KCNN3: variants seen among roughly 807,000 people sequenced by gnomAD.
KCNN3 encodes the protein small conductance calcium-activated potassium channel protein 3.
Under a neutral mutation model 62.9 loss-of-function variants are expected in KCNN3, and 16 were observed. That is an observed-to-expected ratio of 0.25 (90% CI 0.17 to 0.39). KCNN3 has a LOEUF of 0.39. Ranked by LOEUF, KCNN3 falls within the 10% of genes least tolerant of loss-of-function variation. KCNN3 has a pLI of 1.00. For synonymous variants in KCNN3, 370 were observed against 389.2 expected, an observed-to-expected ratio of 0.95 and a Z score of 0.58; for missense variants, 599 against 949.4, an observed-to-expected ratio of 0.63 and a Z score of 4.85.
At chr1:154,745,938 C>T (rs1321734227) in intron 3 of KCNN3, among the ~76,000 whole-genome samples, 1 of 151,974 alleles carries the variant, frequency 6.6e-6, no homozygotes, top group African/African-American at 2.4e-5. Context: ...GAGAGTCCAA[C>T]AGACGGGGGT....
chr1:154,869,662 C>G lies in KCNN3; in HGVS notation c.303G>C (p.Leu101=). The G allele has an allele frequency of 6.2e-7, 1 of 1,607,950 alleles. No individual in the cohort carries two copies. ...LQSQPVHPGL[L]HSSPTAFRAP... is the part of the protein sequence containing the mutation. ...CCCTGAAAGCGGTGGGAGAGGAGTG[C>G]AGCAGGCCAGGGTGGACGGGCTGGC... The change falls in exon 1 of 8, where the codon CTG becomes CTC. Residue 101 remains leucine (L), a synonymous_variant. Coordinates refer to ENST00000271915, the MANE Select transcript of KCNN3 (RefSeq NM_002249.6). The surrounding 1 kb of genome is among the most constrained non-coding windows in gnomAD (Gnocchi z 6.1).
intron 2 of KCNN3, among the ~76,000 whole-genome samples, chr1:154,776,572 G>GCTTC (rs1417417134): frequency 1.3e-5 from 2 of 152,134 alleles, no homozygotes; most frequent in African/African-American, 4.8e-5. Context: ...GACACTCTAT[G>GCTTC]CTTCCTTCCT....
At position 154,713,648 on chromosome 1, in the gene KCNN3, C is replaced by G. The variant is rs937049712; in HGVS notation, c.1830-115G>C. On this transcript the variant is annotated intron_variant, in intron 6 of 7. Transcript: ENST00000271915. The stretch of plus-strand genomic sequence containing the variant: ...TGATTTTGGAACCCAGCATGGGGAC[C>G]GTGAACCTGGGGAACAACTGAGGCT... 3 of 821,352 alleles carry G rather than the reference C, an allele frequency of 3.7e-6. No individual in the cohort carries two copies. In the African/African-American group the frequency reaches 5.0e-5, roughly 14 times the overall value. 50.9% of individuals were successfully genotyped at this position (821,352 alleles called of 1,614,324 possible).
intron 1 of KCNN3, among the ~76,000 whole-genome samples, chr1:154,848,572 G>A (rs527868247): frequency 7.2e-5 from 11 of 152,150 alleles, no homozygotes; most frequent in South Asian, 4.2e-4. Context: ...CCAGCTTCAC[G>A]GGCAGGGGGC....
At chr1:154,768,925 T>C (rs989455795) in intron 3 of KCNN3, among the ~76,000 whole-genome samples, 2 of 152,166 alleles carry the variant, frequency 1.3e-5, no homozygotes, top group East Asian at 3.9e-4. Context: ...AAGTTGCCAG[T>C]AGAGTAGAGG....
At chr1:154,821,172 C>T (rs529182795) in intron 2 of KCNN3, among the ~76,000 whole-genome samples, 9 of 152,210 alleles carry the variant, frequency 5.9e-5, no homozygotes, top group African/African-American at 1.9e-4. Flanking sequence ...AGGTCATGGC[C>T]GAGACTTGAC....
At chr1:154,765,723 G>A (rs1390545889) in intron 3 of KCNN3, among the ~76,000 whole-genome samples, 2 of 150,928 alleles carry the variant, frequency 1.3e-5, no homozygotes, top group Non-Finnish European at 2.9e-5. Flanking sequence ...TGACCTCCCA[G>A]GTTAGGTGAT....
intron 1 of KCNN3, among the ~76,000 whole-genome samples, chr1:154,852,886 C>T (rs2101924854): frequency 6.6e-6 from 1 of 152,336 alleles, no homozygotes; most frequent in South Asian, 2.1e-4. Context: ...CTTCACCTTG[C>T]TATTCCTCTT....
chr1:154,818,812 C>CT (rs1650774450), intron 2 of KCNN3, among the ~76,000 whole-genome samples: 2 of 152,188 alleles, frequency 1.3e-5, no homozygotes, highest in Admixed American at 1.3e-4. Flanking sequence ...ATTCTTCTTC[C>CT]TGAAAAACTC....
intron 4 of KCNN3, among the ~76,000 whole-genome samples, 161 bp from the exon 5 acceptor site, chr1:154,726,187 A>T (rs1276243523): frequency 1.3e-5 from 2 of 152,104 alleles, no homozygotes; most frequent in African/African-American, 4.8e-5. Flanking sequence ...AAATCTGTTG[A>T]AATCTGTCAG....
At chr1:154,850,120 C>T (rs1652245366) in intron 1 of KCNN3, among the ~76,000 whole-genome samples, 1 of 152,214 alleles carries the variant, frequency 6.6e-6, no homozygotes, top group Non-Finnish European at 1.5e-5. Flanking sequence ...GTTCCCTCTG[C>T]ACCATCTCCC....
intron 4 of KCNN3, among the ~76,000 whole-genome samples, chr1:154,727,179 T>A (rs1557944865): frequency 6.6e-6 from 1 of 152,198 alleles, no homozygotes; most frequent in Non-Finnish European, 1.5e-5. Flanking sequence ...TGCGCCGCCC[T>A]GACCACCACT....
In KCNN3 at chr1:154,772,535, G is replaced by T; in HGVS notation, c.1030-142C>A. On this transcript the variant is annotated intron_variant, in intron 2 of 7. Coordinates refer to ENST00000271915, the MANE Select transcript of KCNN3 (RefSeq NM_002249.6). The surrounding 1 kb of genome is among the most constrained non-coding windows in gnomAD (Gnocchi z 5.6). ...CCTCAGCATGCTCTTTAGGGGCCTT[G>T]CTATGTGGCAAGAGCCCTGTATGTG... The T allele has an allele frequency of 2.6e-6, 2 of 773,986 alleles. No homozygotes were observed. Among genetic ancestry groups the T allele is most frequent in the South Asian group, 3.0e-5 (2 of 65,882 alleles). The allele number at this position is 773,986 out of a possible 1,614,324, so 47.9% of individuals were successfully genotyped here.
chr1:154,830,273 G>C (rs1433157948), intron 1 of KCNN3, among the ~76,000 whole-genome samples: 1 of 152,194 alleles, frequency 6.6e-6, no homozygotes, highest in Admixed American at 6.5e-5. Flanking sequence ...CTAGAGATGA[G>C]GGATCTGAAG....
chr1:154,783,264 A>G (rs1649138243), intron 2 of KCNN3, among the ~76,000 whole-genome samples: 1 of 152,298 alleles, frequency 6.6e-6, no homozygotes, highest in South Asian at 2.1e-4. Context: ...CCACCCTTTA[A>G]ATGCTCATTC....
intron 4 of KCNN3, among the ~76,000 whole-genome samples, chr1:154,732,437 C>A (rs1326561320): frequency 6.6e-6 from 1 of 152,238 alleles, no homozygotes; most frequent in Non-Finnish European, 1.5e-5. Flanking sequence ...CAGAGCCCAG[C>A]CCCTCCATAG....
intron 2 of KCNN3, among the ~76,000 whole-genome samples, chr1:154,803,837 C>A (rs1557984163): frequency 6.6e-6 from 1 of 152,234 alleles, no homozygotes; most frequent in Non-Finnish European, 1.5e-5. Flanking sequence ...GCCCAGGCAG[C>A]AACCATTCTC....
chr1:154,827,308 C>T (rs1036559492), intron 1 of KCNN3, among the ~76,000 whole-genome samples: 5 of 152,200 alleles, frequency 3.3e-5, no homozygotes, highest in Non-Finnish European at 5.9e-5. Flanking sequence ...GCCCCTCTTC[C>T]GCTAAAGGGA....
intron 2 of KCNN3, among the ~76,000 whole-genome samples, chr1:154,817,342 G>A (rs574843867): frequency 6.6e-6 from 1 of 152,342 alleles, no homozygotes; most frequent in African/African-American, 2.4e-5. Context: ...GAGGAAAGGG[G>A]TATATGTGCT....
Sources: allele counts gnomAD v4.1 joint callset (sites outside exome capture counted in the v4.1 genomes callset), GRCh38; gene constraint gnomAD v4.1.1; non-coding constraint Gnocchi (gnomAD v3.1); transcripts MANE v1.5; gene names NCBI Gene and HGNC (gene_info 2026-07-23, HGNC 2026-07-21).